SLC22A3: variants seen among roughly 807,000 people sequenced by gnomAD.
The protein encoded by SLC22A3 is EMT organic cation transporter 3.
SLC22A3 carries 51 observed loss-of-function variants against 59.1 expected under a neutral mutation model. That is an observed-to-expected ratio of 0.86 (90% CI 0.69 to 1.09). SLC22A3 has a LOEUF of 1.09. SLC22A3 is among the 50% of genes least tolerant of loss of function. SLC22A3 has a pLI of 0.00. For missense variants in SLC22A3, 711 were observed against 726.3 expected, an observed-to-expected ratio of 0.98 and a Z score of 0.24; for synonymous variants, 325 against 292.0, an observed-to-expected ratio of 1.11 and a Z score of -1.15.
chr6:160,405,298 G>A (rs1043078487), intron 2 of SLC22A3, among the ~76,000 whole-genome samples: 1 of 152,092 alleles, frequency 6.6e-6, no homozygotes, highest in East Asian at 1.9e-4. Context: ...ATAAGCATAT[G>A]AAATGATGCT....
At chr6:160,355,032 AGGCATGCGAGGCAGGCAGG>A (rs1784782987) in intron 1 of SLC22A3, among the ~76,000 whole-genome samples, 1 of 152,206 alleles carries the variant, frequency 6.6e-6, no homozygotes, top group Admixed American at 6.5e-5. Context: ...GCGTTCCTGG[AGGCATGCGAGGCAGGCAGG>A]AGCCCCACAG....
At chr6:160,423,918 T>C (rs1036277750) in intron 5 of SLC22A3, among the ~76,000 whole-genome samples, 1 of 152,238 alleles carries the variant, frequency 6.6e-6, no homozygotes, top group Non-Finnish European at 1.5e-5. Flanking sequence ...CTGAATGGTA[T>C]TGCCTAGGTT....
At position 160,405,311 on chromosome 6, in the gene SLC22A3, A is replaced by G. The variant is rs74957648; in HGVS notation, c.534-1730A>G. Among the ~76,000 whole-genome samples the G allele has an allele frequency of 7.6e-3, 1,156 of 152,258 alleles. 11 individuals are homozygous for G. Among genetic ancestry groups the G allele is most frequent in the African/African-American group, 0.027 (1,117 of 41,564 alleles). On this transcript the variant is annotated intron_variant, in intron 2 of 10. Coordinates refer to ENST00000275300, the MANE Select transcript of SLC22A3 (RefSeq NM_021977.4). ...TAATAAGCATATGAAATGATGCTCT[A>G]CGTCATATATCATCAGGGAAATGCC...
At chr6:160,446,224 A>G (rs545038316) in intron 9 of SLC22A3, among the ~76,000 whole-genome samples, 1 of 152,314 alleles carries the variant, frequency 6.6e-6, no homozygotes, top group South Asian at 2.1e-4. Flanking sequence ...TGACTGGAGC[A>G]GAGCCAGGGA....
intron 1 of SLC22A3, among the ~76,000 whole-genome samples, chr6:160,384,695 C>T (rs1785930393): frequency 6.6e-6 from 1 of 152,134 alleles, no homozygotes; most frequent in South Asian, 2.1e-4. Context: ...GATCTAAGTG[C>T]TCCCTCCATG....
At chr6:160,398,582 T>A (rs1786622449) in intron 2 of SLC22A3, among the ~76,000 whole-genome samples, 1 of 152,084 alleles carries the variant, frequency 6.6e-6, no homozygotes, top group South Asian at 2.1e-4. Context: ...ACTAAAGGAG[T>A]TTTTTTCTAT....
chr6:160,451,119 C>T lies in SLC22A3; in HGVS notation c.*63C>T, dbSNP rs1810126. 0.36 allele frequency: 537,212 copies of T among 1,486,756 alleles called. 102,141 individuals are homozygous for T. The highest frequency in any genetic ancestry group is 0.49 in the Admixed American group (26,397 of 54,334). 92.1% of individuals were successfully genotyped at this position (1,486,756 alleles called of 1,614,324 possible). On this transcript the variant is annotated 3_prime_UTR_variant, in exon 11 of 11. Coordinates refer to ENST00000275300, the MANE Select transcript of SLC22A3 (RefSeq NM_021977.4). The stretch of plus-strand genomic sequence containing the variant: ...AGCTGATCCTCCTTGCAAAGCTGTG[C>T]CTTGCAGAGATGCACGTGTGCATTT...
chr6:160,407,210 C>T lies in SLC22A3; in HGVS notation c.688+15C>T. The stretch of plus-strand genomic sequence containing the variant: ...CTACGTGATTGGTAAGACATTCTTA[C>T]ACCATCTTCTCTATTTGGAAACTAG... On this transcript the variant is annotated intron_variant, in intron 3 of 10. Coordinates refer to ENST00000275300, the MANE Select transcript of SLC22A3 (RefSeq NM_021977.4). The T allele has an allele frequency of 3.8e-6, 6 of 1,589,088 alleles. No individual in the cohort carries two copies. The highest frequency in any genetic ancestry group is 5.1e-6 in the Non-Finnish European group (6 of 1,168,658).
intron 1 of SLC22A3, among the ~76,000 whole-genome samples, chr6:160,369,320 T>C (rs6455685): frequency 0.042 from 6,448 of 152,320 alleles, 408 homozygotes; most frequent in African/African-American, 0.14. Context: ...TGCTGTAGCA[T>C]GCTAACATTT....
intron 1 of SLC22A3, among the ~76,000 whole-genome samples, chr6:160,376,365 C>A (rs545174401): frequency 2.8e-5 from 4 of 143,278 alleles, no homozygotes; most frequent in African/African-American, 1.0e-4. Context: ...GGGGGTGGTG[C>A]GGAGAGGGGT....
chr6:160,380,108 T>C (rs1429848391), intron 1 of SLC22A3, among the ~76,000 whole-genome samples: 1 of 152,154 alleles, frequency 6.6e-6, no homozygotes, highest in Non-Finnish European at 1.5e-5. Context: ...TTTTAGAAGG[T>C]CTGTTAGACA....
At chr6:160,444,242 GTGCC>G (rs1788660560) in intron 9 of SLC22A3, among the ~76,000 whole-genome samples, 1 of 152,058 alleles carries the variant, frequency 6.6e-6, no homozygotes, top group Non-Finnish European at 1.5e-5. Flanking sequence ...TGATCCATGG[GTGCC>G]TGTAGTCCAA....
chr6:160,406,953 T>TG, intron 2 of SLC22A3, 88 bp from the exon 3 acceptor site: 1 of 1,428,912 alleles, frequency 7.0e-7, no homozygotes, highest in Non-Finnish European at 9.7e-7. Context: ...CAGTATAATA[T>TG]GGTATGATAT....
chr6:160,447,598 G>A, intron 9 of SLC22A3, 121 bp from the exon 10 acceptor site: 1 of 797,836 alleles, frequency 1.3e-6, no homozygotes. Flanking sequence ...GGGATGCAGA[G>A]GTTGCTGTGG....
At chr6:160,367,240 C>A (rs1003483289) in intron 1 of SLC22A3, among the ~76,000 whole-genome samples, 20 of 152,134 alleles carry the variant, frequency 1.3e-4, no homozygotes, top group Non-Finnish European at 2.2e-4. Context: ...CACATGGTGG[C>A]AGCAAGAAGT....
intron 1 of SLC22A3, among the ~76,000 whole-genome samples, chr6:160,383,275 T>C (rs1311241758): frequency 2.0e-5 from 3 of 152,230 alleles, no homozygotes; most frequent in Admixed American, 2.0e-4. Context: ...CAAGTGAAAC[T>C]AAATATCATT....
At position 160,426,429 on chromosome 6, in the gene SLC22A3, C is replaced by T. The variant is rs543818645; in HGVS notation, c.976-10351C>T. The T allele has an allele frequency of 6.3e-4, 548 of 872,658 alleles. 1 individual carries two copies. The highest frequency in any genetic ancestry group is 7.3e-4 in the Non-Finnish European group (529 of 726,784). The allele number at this position is 872,658 out of a possible 1,614,324, so 54.1% of individuals were successfully genotyped here. On this transcript the variant is annotated intron_variant, in intron 5 of 10. Coordinates refer to ENST00000275300, the MANE Select transcript of SLC22A3 (RefSeq NM_021977.4). ...TGTGCAACACTCGTCTCATGTCCTA[C>T]TTGATTTTCTTCTCCCTTTCCTCCT... is the stretch of plus-strand genomic sequence containing the variant.
intron 1 of SLC22A3, among the ~76,000 whole-genome samples, chr6:160,387,106 G>A (rs1562479140): frequency 6.6e-6 from 1 of 152,226 alleles, no homozygotes; most frequent in Non-Finnish European, 1.5e-5. Flanking sequence ...ACAGCTGACA[G>A]GTCAGGACAC....
intron 5 of SLC22A3, among the ~76,000 whole-genome samples, chr6:160,421,229 A>G (rs1787721773): frequency 6.6e-6 from 1 of 152,168 alleles, no homozygotes; most frequent in African/African-American, 2.4e-5. Flanking sequence ...CGGAAAACAC[A>G]AAGCCCTTTT....
Sources: allele counts gnomAD v4.1 joint callset (sites outside exome capture counted in the v4.1 genomes callset), GRCh38; gene constraint gnomAD v4.1.1; transcripts MANE v1.5; gene names NCBI Gene and HGNC (gene_info 2026-07-23, HGNC 2026-07-21).